MTUS2: variants seen among roughly 807,000 people sequenced by gnomAD.
MTUS2 encodes the protein microtubule associated scaffold protein 2.
A neutral mutation model predicts 114.1 loss-of-function variants in MTUS2; 40 were observed. The ratio of observed to expected loss-of-function variants is 0.35; its 90% CI spans 0.27 to 0.46. The LOEUF is 0.46. MTUS2 is among the 20% of genes least tolerant of loss of function. MTUS2 has a pLI of 1.00. For synonymous variants in MTUS2, 688 were observed against 672.0 expected, an observed-to-expected ratio of 1.02 and a Z score of -0.37; for missense variants, 1,679 against 1,705.4, an observed-to-expected ratio of 0.98 and a Z score of 0.27.
At chr13:29,291,048 A>T (rs1002505334) in intron 6 of MTUS2, among the ~76,000 whole-genome samples, 1 of 152,204 alleles carries the variant, frequency 6.6e-6, no homozygotes, top group East Asian at 1.9e-4. Context: ...TAAATGAGAG[A>T]CGTGCCCTTT....
At chr13:29,139,153 A>G (rs781025838) in intron 5 of MTUS2, among the ~76,000 whole-genome samples, 5 of 151,958 alleles carry the variant, frequency 3.3e-5, no homozygotes, top group African/African-American at 4.8e-5. Flanking sequence ...CTGTATTCAC[A>G]TATGTGCTGA....
At chr13:28,900,298 GTGTGTGTGTGTGTA>G (rs1358842368) in intron 2 of MTUS2, among the ~76,000 whole-genome samples, 1 of 151,208 alleles carries the variant, frequency 6.6e-6, no homozygotes, top group Admixed American at 6.6e-5. Flanking sequence ...ACCTGTAGCT[GTGTGTGTGTGTGTA>G]TGTGTGTGTG....
Position 29,503,566 on chromosome 13 carries a change from T to G in MTUS2, c.*360T>G, listed in dbSNP as rs569296484. On this transcript the variant is annotated 3_prime_UTR_variant, in exon 16 of 16. Transcript: ENST00000612955. ...GTACTGCACCGATATGTGTGTATAT[T>G]TAGATATACGTATATACACATGCTG... 28 of 401,816 alleles carry G rather than the reference T, an allele frequency of 7.0e-5. No individual in the cohort carries two copies. Among genetic ancestry groups the G allele is most frequent in the Non-Finnish European group, 1.1e-4 (25 of 218,778 alleles). The allele number at this position is 401,816 out of a possible 1,614,324, so 24.9% of individuals were successfully genotyped here.
intron 5 of MTUS2, among the ~76,000 whole-genome samples, chr13:29,151,256 C>T (rs374963898): frequency 1.3e-5 from 2 of 152,066 alleles, no homozygotes; most frequent in East Asian, 3.9e-4. Context: ...GATCTTTTAT[C>T]TCCTTGGTTA....
chr13:29,078,499 G>A (rs2475523), intron 4 of MTUS2, among the ~76,000 whole-genome samples: 87,416 of 152,046 alleles, frequency 0.57, 25,412 homozygotes, highest in Non-Finnish European at 0.61. Context: ...GATATAATTC[G>A]TGTACTATAT....
chr13:29,207,993 T>G (rs544008867), intron 5 of MTUS2, among the ~76,000 whole-genome samples: 3 of 152,156 alleles, frequency 2.0e-5, no homozygotes, highest in Non-Finnish European at 4.4e-5. Context: ...ATAGTGTCAA[T>G]AGGATTGGTA....
chr13:28,879,811 T>C (rs1442145328), intron 2 of MTUS2, among the ~76,000 whole-genome samples: 1 of 151,180 alleles, frequency 6.6e-6, no homozygotes, highest in South Asian at 2.1e-4. Flanking sequence ...GATACTGATA[T>C]TAGAGATGTA....
rs1320129286 is a variant in MTUS2 at position 29,504,157 on chromosome 13, G to C, written c.*951G>C. 4.3e-6 allele frequency: 1 copy of C among 231,918 alleles called. No individual in the cohort carries two copies. Among genetic ancestry groups the C allele is most frequent in the South Asian group, 1.8e-4 (1 of 5,524 alleles). The allele number at this position is 231,918 out of a possible 1,614,324, so 14.4% of individuals were successfully genotyped here. ...CTTGCAGATGACTGTGCCCATTCGC[G>C]CTCCATCCTCATGAAGGAAATTGCT... is the stretch of plus-strand genomic sequence containing the variant. On this transcript the variant is annotated 3_prime_UTR_variant, in exon 16 of 16. Coordinates refer to ENST00000612955, the MANE Select transcript of MTUS2 (RefSeq NM_001033602.4).
At chr13:29,347,365 T>C (rs1868796885) in intron 7 of MTUS2, among the ~76,000 whole-genome samples, 1 of 152,156 alleles carries the variant, frequency 6.6e-6, no homozygotes, top group Non-Finnish European at 1.5e-5. Context: ...TTCATCTTCA[T>C]TGAGTTCAAA....
At chr13:28,907,207 G>A (rs1880086316) in intron 2 of MTUS2, among the ~76,000 whole-genome samples, 1 of 151,556 alleles carries the variant, frequency 6.6e-6, no homozygotes, top group South Asian at 2.1e-4. Flanking sequence ...AATGCTGAGA[G>A]ATTTTGTCTC....
At chr13:29,234,253 C>T (rs1248653410) in intron 5 of MTUS2, among the ~76,000 whole-genome samples, 1 of 152,150 alleles carries the variant, frequency 6.6e-6, no homozygotes, top group Non-Finnish European at 1.5e-5. Context: ...GTTGGGGCTT[C>T]AGTAGTGTAC....
intron 2 of MTUS2, among the ~76,000 whole-genome samples, chr13:29,007,188 A>G (rs1369285449): frequency 6.6e-6 from 1 of 152,132 alleles, no homozygotes; most frequent in Non-Finnish European, 1.5e-5. Context: ...AAACCTTCAC[A>G]CTTTGCTATA....
intron 2 of MTUS2, among the ~76,000 whole-genome samples, chr13:28,853,813 T>G (rs1730447644): frequency 6.6e-6 from 1 of 152,238 alleles, no homozygotes; most frequent in Non-Finnish European, 1.5e-5. Flanking sequence ...AGATGATAAC[T>G]TAATACTACT....
intron 2 of MTUS2, among the ~76,000 whole-genome samples, chr13:28,976,417 C>T (rs1162236164): frequency 6.6e-6 from 1 of 152,026 alleles, no homozygotes; most frequent in Non-Finnish European, 1.5e-5. Flanking sequence ...TGCTAATGAG[C>T]CTGGCTTTCA....
rs78346781 is a variant in MTUS2, at chr13:29,482,945, G to T, written c.3399+2581G>T. Among the ~76,000 whole-genome samples, 742 of 152,304 alleles carry T rather than the reference G, an allele frequency of 4.9e-3. 6 individuals carry two copies. Among genetic ancestry groups the T allele is most frequent in the African/African-American group, 0.017 (692 of 41,552 alleles). On this transcript the variant is annotated intron_variant, in intron 10 of 15. Coordinates refer to ENST00000612955, the MANE Select transcript of MTUS2 (RefSeq NM_001033602.4). ...AGAACATGCAGGAAGTGAGGAAGAT[G>T]AAATGCACCCCAGGCCAACAGTCTA...
chr13:28,914,184 T>G (rs1358408312), intron 2 of MTUS2, among the ~76,000 whole-genome samples: 2 of 152,100 alleles, frequency 1.3e-5, no homozygotes, highest in African/African-American at 4.8e-5. Context: ...TTAGTTGTGA[T>G]GTTAGGAGTT....
At chr13:29,048,382 T>C (rs1051936752) in intron 4 of MTUS2, among the ~76,000 whole-genome samples, 4 of 152,254 alleles carry the variant, frequency 2.6e-5, no homozygotes, top group Admixed American at 1.3e-4. Context: ...CATTATGGGT[T>C]GTATAACCCT....
Position 28,935,006 on chromosome 13 carries a change from G to GTTTT in MTUS2, c.-242-89427_-242-89424dup, listed in dbSNP as rs775863792. 1.9e-4 allele frequency among the ~76,000 whole-genome samples: 8 copies of GTTTT among 41,448 alleles called. 1 individual carries two copies. The highest frequency in any genetic ancestry group is 6.2e-4 in the African/African-American group (5 of 8,058). 27.2% of individuals were successfully genotyped at this position (41,448 alleles called of 152,430 possible). Reference sequence around the variant, plus strand: ...TGACCACTTGTTTCATCTCCATAGCGTTTTTTTTTTTTTTTTTTTTTTTTT... The same window carrying GTTTT: ...TGACCACTTGTTTCATCTCCATAGCGTTTTTTTTTTTTTTTTTTTTTTTTTTTTT... On this transcript the variant is annotated intron_variant, in intron 2 of 15. Coordinates refer to ENST00000612955, the MANE Select transcript of MTUS2 (RefSeq NM_001033602.4).
chr13:29,289,317 G>A (rs575855535), intron 6 of MTUS2, among the ~76,000 whole-genome samples: 35 of 152,332 alleles, frequency 2.3e-4, no homozygotes, highest in African/African-American at 8.2e-4. Flanking sequence ...GCCTGTCTTA[G>A]CCACTGGACT....
Sources: allele counts gnomAD v4.1 joint callset (sites outside exome capture counted in the v4.1 genomes callset), GRCh38; gene constraint gnomAD v4.1.1; transcripts MANE v1.5; gene names NCBI Gene and HGNC (gene_info 2026-07-23, HGNC 2026-07-21).